SLC25A22: variants seen among roughly 807,000 people sequenced by gnomAD.
SLC25A22 encodes mitochondrial glutamate carrier 1.
A neutral mutation model predicts 33.7 loss-of-function variants in SLC25A22; 23 were observed. That is an observed-to-expected ratio of 0.68 (90% CI 0.49 to 0.97). The LOEUF is 0.97. Among genes scored for constraint, SLC25A22 ranks in the 50% least tolerant of loss-of-function variants. The pLI is 0.00. For synonymous variants in SLC25A22, 245 were observed against 203.8 expected (o/e 1.20, Z -1.72); for missense variants, 390 against 451.1 (o/e 0.86, Z 1.23).
At chr11:796,943 C>T (rs1318810253) in intron 1 of SLC25A22, among the ~76,000 whole-genome samples, 1 of 152,182 alleles carries the variant, frequency 6.6e-6, no homozygotes, top group African/African-American at 2.4e-5. Flanking sequence ...CCTAGCCCCC[C>T]CCACCCCTGC....
chr11:794,933 C>T lies in SLC25A22; in HGVS notation c.21-32G>A, dbSNP rs1007173898. The T allele has an allele frequency of 3.8e-6, 6 of 1,563,942 alleles. No individual in the cohort carries two copies. The African/African-American group carries it at 4.1e-5, about 11-fold the overall frequency. On this transcript the variant is annotated intron_variant, in intron 2 of 9. Transcript: ENST00000628067. ...GGACAGGGGTGTCAGGACCGGCTTC[C>T]TTGACCATGGGTCAGGGTGGGGGTG...
chr11:794,579 C>G, intron 3 of SLC25A22, 66 bp from the exon 4 acceptor site: 1 of 1,580,142 alleles, frequency 6.3e-7, no homozygotes, highest in Non-Finnish European at 8.6e-7. Flanking sequence ...GGTCCCTGGA[C>G]TGTCTAGGGC....
At chr11:795,288 C>T (rs943595034) in intron 1 of SLC25A22, 119 bp from the exon 2 acceptor site, 18 of 587,634 alleles carry the variant, frequency 3.1e-5, no homozygotes, top group Admixed American at 5.1e-5. Context: ...GCCGTCACTG[C>T]GTCCTGAGGG....
intron 1 of SLC25A22, chr11:797,573 T>TA (rs1864900020): frequency 2.5e-6 from 1 of 398,150 alleles, no homozygotes; most frequent in Non-Finnish European, 4.4e-6. Context: ...TCTGCAGGGG[T>TA]AAAATCCTCC....
chr11:794,178 C>G, intron 4 of SLC25A22: 1 of 689,108 alleles, frequency 1.5e-6, no homozygotes, highest in Non-Finnish European at 2.7e-6. Context: ...GCCCAGAAGG[C>G]AGAGGCAGCT....
In SLC25A22 at chr11:792,588, G is replaced by C. The variant is rs368807589; in HGVS notation, c.552C>G (p.Ala184=). The change falls in exon 7 of 10, where the codon GCC becomes GCG. Residue 184 remains alanine, a synonymous_variant. Transcript: ENST00000628067. ...TGGCCCCGAGTCCCTTGTAGAGACC[G>C]GCAATGCCACGGCTCCGCAGCAGGT... ...TRDLLRSRGI[A]GLYKGLGATL... The C allele has an allele frequency of 1.4e-5, 23 of 1,611,522 alleles. No individual in the cohort carries two copies. Among genetic ancestry groups the C allele is most frequent in the Non-Finnish European group, 1.9e-5 (23 of 1,179,586 alleles).
At chr11:794,579 C>T in intron 3 of SLC25A22, 66 bp from the exon 4 acceptor site, 1 of 1,580,142 alleles carries the variant, frequency 6.3e-7, no homozygotes, top group Non-Finnish European at 8.6e-7. Flanking sequence ...GGTCCCTGGA[C>T]TGTCTAGGGC....
At position 795,376 on chromosome 11, in the gene SLC25A22, C is replaced by A. The variant is rs1346928926; in HGVS notation, c.-163-207G>T. The A allele has an allele frequency of 4.2e-5, 10 of 239,038 alleles. 1 individual carries two copies. The highest frequency in any genetic ancestry group is 8.0e-5 in the Admixed American group (1 of 12,450). 14.8% of individuals were successfully genotyped at this position (239,038 alleles called of 1,614,324 possible). ...CCTGGCTTCCTTTCAGTCCCCCCCT[C>A]CCCACCGCCAGCGTCTTCCCAGCCA... On this transcript the variant is annotated intron_variant, in intron 1 of 9. Coordinates refer to ENST00000628067, the MANE Select transcript of SLC25A22 (RefSeq NM_001191061.2).
chr11:791,782 A>ACCCTGCC lies in SLC25A22; in HGVS notation c.*126_*132dup. 7.8e-7 allele frequency: 1 copy of ACCCTGCC among 1,282,718 alleles called. No individual in the cohort carries two copies. Among genetic ancestry groups the ACCCTGCC allele is most frequent in the East Asian group, 2.5e-5 (1 of 39,354 alleles). 79.5% of individuals were successfully genotyped at this position (1,282,718 alleles called of 1,614,324 possible). A position where few individuals can be genotyped will look rare whatever the true frequency, so the allele number is the denominator to read the frequency against. On this transcript the variant is annotated 3_prime_UTR_variant, in exon 10 of 10. Transcript: ENST00000628067. ...TGTGCACCACCTATGTGGACCCTGC[A>ACCCTGCC]CCCTGCCCCCTGCTGCCCCTGCCGA...
chr11:795,369 C>G, intron 1 of SLC25A22, 200 bp from the exon 2 acceptor site: 1 of 240,536 alleles, frequency 4.2e-6, no homozygotes, highest in South Asian at 3.2e-5. Context: ...CCTTTCAGTC[C>G]CCCCCTCCCC....
In SLC25A22 at chr11:790,485, A is replaced by G. The variant is rs1864456204; in HGVS notation, c.*1430T>C. 6.6e-6 allele frequency: 1 copy of G among 152,262 alleles called. No individual in the cohort carries two copies. Among genetic ancestry groups the G allele is most frequent in the Non-Finnish European group, 1.5e-5 (1 of 68,048 alleles). 9.4% of individuals were successfully genotyped at this position (152,262 alleles called of 1,614,324 possible). A position where few individuals can be genotyped will look rare whatever the true frequency, so the allele number is the denominator to read the frequency against. On this transcript the variant is annotated 3_prime_UTR_variant, in exon 10 of 10. Transcript: ENST00000628067. ...AGACAGACAGCAGCATCTACTTAGA[A>G]TATTTATTTATTCTCTGACATGACA... is the stretch of plus-strand genomic sequence containing the variant.
At chr11:795,497 G>A (rs975353373) in intron 1 of SLC25A22, 13 of 332,784 alleles carry the variant, frequency 3.9e-5, no homozygotes, top group Non-Finnish European at 7.1e-5. Flanking sequence ...CCAGGGGCCG[G>A]GGCCAGGGTG....
rs1554965174 is a variant in SLC25A22 at position 791,760 on chromosome 11, G to A, written c.*155C>T. On this transcript the variant is annotated 3_prime_UTR_variant, in exon 10 of 10. Coordinates refer to ENST00000628067, the MANE Select transcript of SLC25A22 (RefSeq NM_001191061.2). ...GCAGCACCCCGGGGGGCTTGCGTGT[G>A]CACCACCTATGTGGACCCTGCACCC... 1 of 1,033,254 alleles carries A rather than the reference G, an allele frequency of 9.7e-7. No individual in the cohort carries two copies. Among genetic ancestry groups the A allele is most frequent in the Non-Finnish European group, 1.4e-6 (1 of 732,356 alleles). The allele number at this position is 1,033,254 out of a possible 1,614,324, so 64.0% of individuals were successfully genotyped here.
intron 4 of SLC25A22, chr11:794,129 A>C (rs1590121045): frequency 1.6e-6 from 1 of 625,618 alleles, no homozygotes; most frequent in Non-Finnish European, 3.0e-6. Flanking sequence ...AATGCCCCTT[A>C]CTCCCTCCCA....
intron 5 of SLC25A22, 71 bp downstream of exon 5, chr11:793,458 G>A: frequency 6.8e-7 from 1 of 1,473,896 alleles, no homozygotes; most frequent in Non-Finnish European, 9.4e-7. Flanking sequence ...GTGGGACCCA[G>A]CTGGCAGGGT....
Position 791,543 on chromosome 11 carries a change from T to C in SLC25A22, c.*372A>G, listed in dbSNP as rs942203600. On this transcript the variant is annotated 3_prime_UTR_variant, in exon 10 of 10. Transcript: ENST00000628067. Reference sequence around the variant, plus strand: ...GTGCCTGTGTGGGCCAGGATGGCTGTGGAGACTGGAGCTGGTGGACTGGGG... The same window carrying C: ...GTGCCTGTGTGGGCCAGGATGGCTGCGGAGACTGGAGCTGGTGGACTGGGG... 5 of 333,194 alleles carry C rather than the reference T, an allele frequency of 1.5e-5. No homozygotes were observed. In the Admixed American group the frequency reaches 2.3e-4, roughly 15 times the overall value. 20.6% of individuals were successfully genotyped at this position (333,194 alleles called of 1,614,324 possible).
intron 1 of SLC25A22, chr11:796,261 G>C (rs932850593): frequency 2.0e-5 from 3 of 152,184 alleles, no homozygotes; most frequent in East Asian, 1.9e-4. Flanking sequence ...AAGCTGCCGG[G>C]GGAGGAGGCG....
intron 5 of SLC25A22, 41 bp from the exon 6 acceptor site, chr11:793,029 G>A: frequency 1.9e-6 from 3 of 1,589,292 alleles, no homozygotes; most frequent in Non-Finnish European, 2.6e-6. Flanking sequence ...GAAGAGACAG[G>A]TCTACCTGCC....
At chr11:794,728 T>C (rs1246184962) in intron 3 of SLC25A22, 48 bp downstream of exon 3, 3 of 1,583,160 alleles carry the variant, frequency 1.9e-6, no homozygotes, top group South Asian at 1.1e-5. Context: ...CCACCTCTCC[T>C]GCTGCCACAT....
Sources: allele counts gnomAD v4.1 joint callset (sites outside exome capture counted in the v4.1 genomes callset), GRCh38; gene constraint gnomAD v4.1.1; transcripts MANE v1.5; gene names NCBI Gene and HGNC (gene_info 2026-07-23, HGNC 2026-07-21).